Variants in PSME4 observed in about 807,000 individuals in gnomAD.
PSME4 encodes the protein proteasome activator subunit 4.
A neutral mutation model predicts 253.9 loss-of-function variants in PSME4; 89 were observed. That is an observed-to-expected ratio of 0.35 (90% CI 0.30 to 0.42). The LOEUF (loss-of-function observed/expected upper bound fraction) is 0.42, where lower values mean the gene tolerates loss of function less well. PSME4 is among the 10% of genes least tolerant of loss of function. The pLI, the probability that PSME4 is intolerant of heterozygous loss-of-function variation, is 1.00. For synonymous variants in PSME4, 851 were observed against 759.2 expected (o/e 1.12, Z -1.99); for missense variants, 2,014 against 2,195.2 (o/e 0.92, Z 1.65).
rs183331174 is a variant in PSME4, at chr2:53,872,283, G to A, written c.5100+2056C>T. Among the ~76,000 whole-genome samples, 88 of 152,210 alleles carry A rather than the reference G, an allele frequency of 5.8e-4. 1 individual carries two copies. Among genetic ancestry groups the A allele is most frequent in the African/African-American group, 2.0e-3 (81 of 41,516 alleles). On this transcript the variant is annotated intron_variant, in intron 43 of 46. Transcript: ENST00000404125. Reference sequence around the variant, plus strand: ...ACATACTATTTTCCTCTATTTCTAAGAAGTTTCCTTTAAATACAGTAAGGT... The same window carrying A: ...ACATACTATTTTCCTCTATTTCTAAAAAGTTTCCTTTAAATACAGTAAGGT...
At chr2:53,970,503 C>G in intron 1 of PSME4, 40 bp downstream of exon 1, 1 of 1,547,804 alleles carries the variant, frequency 6.5e-7, no homozygotes, top group Non-Finnish European at 8.7e-7. Context: ...CTCACTGAGC[C>G]TTTCCCCCCG....
rs1668372413 is a variant in PSME4, at chr2:53,922,515, A to G, written c.2046+2T>C. On this transcript the variant is annotated splice_donor_variant, in intron 17 of 46. Coordinates refer to ENST00000404125, the MANE Select transcript of PSME4 (RefSeq NM_014614.3). LOFTEE classifies it high-confidence loss of function. ...GTTTCTTATTCCAAAGATTTACAAT[A>G]CCTCAGACAAAAGTTGAAGATTCCA... The G allele has an allele frequency of 6.2e-7, 1 of 1,612,092 alleles. No homozygotes were observed. Among genetic ancestry groups the G allele is most frequent in the African/African-American group, 1.3e-5 (1 of 74,872 alleles).
intron 11 of PSME4, 42 bp downstream of exon 11, chr2:53,928,075 C>A: frequency 6.7e-7 from 1 of 1,492,204 alleles, no homozygotes; most frequent in Non-Finnish European, 9.1e-7. Flanking sequence ...TTTACTTTGC[C>A]TCCTACCTAA....
At chr2:53,871,784 C>T (rs1343483566) in intron 43 of PSME4, among the ~76,000 whole-genome samples, 4 of 151,948 alleles carry the variant, frequency 2.6e-5, no homozygotes, top group Admixed American at 1.3e-4. Context: ...GAGGCCCAGG[C>T]GGGTGGATCA....
chr2:53,887,722 C>A, intron 39 of PSME4, 136 bp downstream of exon 39: 3 of 1,186,134 alleles, frequency 2.5e-6, no homozygotes, highest in Non-Finnish European at 3.5e-6. Flanking sequence ...TTTCCCACGA[C>A]ACAATAGCAA....
intron 9 of PSME4, among the ~76,000 whole-genome samples, chr2:53,932,408 G>C (rs183326080): frequency 6.6e-6 from 1 of 152,218 alleles, no homozygotes; most frequent in East Asian, 1.9e-4. Flanking sequence ...AAACTGAAAA[G>C]ATGGTTCTAT....
rs760079247 is a variant in PSME4, at chr2:53,874,444, G to A, written c.4995C>T (p.Leu1665=). The A allele has an allele frequency of 6.2e-7, 1 of 1,614,078 alleles. No individual in the cohort carries two copies. The highest frequency in any genetic ancestry group is 8.5e-7 in the Non-Finnish European group (1 of 1,179,952). Residue 1665 remains leucine (L), a synonymous_variant, in exon 43 of 47, where the codon CTC becomes CTT. Transcript: ENST00000404125. ...AGAGGTTATAAAATACCATGGTCTGGAGGTAGGTCAGTACTGTGTATCGTG... is the reference window on the plus strand; with the variant it reads ...AGAGGTTATAAAATACCATGGTCTGAAGGTAGGTCAGTACTGTGTATCGTG... ...WHARYTVLTY[L]QTMVFYNLFI...
intron 3 of PSME4, among the ~76,000 whole-genome samples, chr2:53,940,879 T>G (rs1175709841): frequency 2.1e-5 from 3 of 141,806 alleles, no homozygotes; most frequent in Non-Finnish European, 4.6e-5. Context: ...TATTTAAATA[T>G]ATATAATACA....
At chr2:53,886,944 A>G (rs1473199384) in intron 40 of PSME4, among the ~76,000 whole-genome samples, 2 of 152,244 alleles carry the variant, frequency 1.3e-5, no homozygotes, top group Non-Finnish European at 2.9e-5. Context: ...TGACCTACCT[A>G]GAATGGGCAA....
intron 17 of PSME4, among the ~76,000 whole-genome samples, chr2:53,921,431 G>C (rs904944895): frequency 6.6e-6 from 1 of 151,356 alleles, no homozygotes; most frequent in Admixed American, 6.6e-5. Context: ...ATTTTTAGTA[G>C]AGACAAGGTT....
Position 53,895,707 on chromosome 2 carries a change from C to A in PSME4, c.3718G>T (p.Ala1240Ser). 6.2e-7 allele frequency: 1 copy of A among 1,611,572 alleles called. No individual in the cohort carries two copies. The highest frequency in any genetic ancestry group is 8.5e-7 in the Non-Finnish European group (1 of 1,179,224). ...CAATGATTATCAGGCCTATCACCAG[C>A]AATAATTTGGGTGGGTTTAGGGCAT... is the stretch of plus-strand genomic sequence containing the variant. Reference protein sequence around the residue: ...SGCPKPTQIIAGDRPDNHWLH... With the variant: ...SGCPKPTQIISGDRPDNHWLH... Residue 1240 changes from alanine to serine, a missense_variant, in exon 33 of 47, where the codon GCT (alanine) becomes TCT (serine). Physicochemically the swap from Ala to Ser is moderately conservative, Grantham distance 99. This residue lies in a region of PSME4 where 989 missense variants were observed against 1,021.1 expected (regional missense o/e 0.97). Transcript: ENST00000404125.
At chr2:53,947,558 T>G (rs1469896030) in intron 3 of PSME4, among the ~76,000 whole-genome samples, 1 of 151,776 alleles carries the variant, frequency 6.6e-6, no homozygotes, top group Non-Finnish European at 1.5e-5. Context: ...ACAAAAAAAT[T>G]AGCCGGGCGT....
chr2:53,901,004 C>G (rs777977493), intron 28 of PSME4, among the ~76,000 whole-genome samples: 7 of 152,144 alleles, frequency 4.6e-5, no homozygotes, highest in Non-Finnish European at 1.0e-4. Flanking sequence ...AGTAGTCGAT[C>G]TTTTGCGACT....
intron 40 of PSME4, 119 bp downstream of exon 40, chr2:53,887,140 A>G: frequency 1.1e-6 from 1 of 898,874 alleles, no homozygotes; most frequent in Non-Finnish European, 1.7e-6. Context: ...AAAAATGGTT[A>G]AAACAGTAAA....
At chr2:53,916,049 T>C (rs936856388) in intron 20 of PSME4, among the ~76,000 whole-genome samples, 5 of 152,126 alleles carry the variant, frequency 3.3e-5, no homozygotes, top group South Asian at 2.1e-4. Flanking sequence ...TACTCTAGCC[T>C]GGGTGACAAA....
In PSME4 at chr2:53,888,708, TA is replaced by T; in HGVS notation, c.4388+12del. On this transcript the variant is annotated intron_variant, in intron 38 of 46. Coordinates refer to ENST00000404125, the MANE Select transcript of PSME4 (RefSeq NM_014614.3). ...TTTCGTGTTAACCTCATAGGTTTTT[TA>T]AAAAAATTTACCATGCATCTACAAA... 6.3e-7 allele frequency: 1 copy of T among 1,582,820 alleles called. No homozygotes were observed. Among genetic ancestry groups the T allele is most frequent in the African/African-American group, 1.3e-5 (1 of 74,342 alleles).
At chr2:53,891,195 C>A (rs1679889448) in intron 36 of PSME4, among the ~76,000 whole-genome samples, 1 of 152,176 alleles carries the variant, frequency 6.6e-6, no homozygotes, top group African/African-American at 2.4e-5. Context: ...TAGTAATCAG[C>A]CTGAGATATA....
In PSME4 at chr2:53,920,277, A is replaced by G; in HGVS notation, c.2336T>C (p.Phe779Ser). The change falls in exon 19 of 47, where the codon TTT becomes TCT. Residue 779 changes from phenylalanine to serine, a missense_variant. By Grantham distance (155) the Phe-to-Ser change is radical (BLOSUM62 -2). This residue lies in a region of PSME4 where 989 missense variants were observed against 1,021.1 expected (regional missense o/e 0.97). Transcript: ENST00000404125. ...AAAGGAGTCCAAAAGATAAAAGGCA[A>G]AAGACACTTCTTCTGAAGAAGGAAC... ...WHVPSSEEVS[F>S]AFYLLDSFLQ... The G allele has an allele frequency of 6.2e-7, 1 of 1,613,956 alleles. No individual in the cohort carries two copies. The highest frequency in any genetic ancestry group is 8.5e-7 in the Non-Finnish European group (1 of 1,179,890).
chr2:53,962,622 T>C (rs766696981), intron 1 of PSME4, among the ~76,000 whole-genome samples: 2 of 152,224 alleles, frequency 1.3e-5, no homozygotes, highest in African/African-American at 2.4e-5. Flanking sequence ...GAGATTTTCT[T>C]TTCAAATAAT....
Sources: allele counts gnomAD v4.1 joint callset (sites outside exome capture counted in the v4.1 genomes callset), GRCh38; gene constraint gnomAD v4.1.1; regional missense constraint gnomAD v4.1.1; transcripts MANE v1.5; gene names NCBI Gene and HGNC (gene_info 2026-07-23, HGNC 2026-07-21).